The following NUP160 variants were observed in gnomAD, a reference collection of about 807,000 sequenced individuals.
NUP160 encodes the protein nuclear pore complex protein Nup160.
A neutral mutation model predicts 196.9 loss-of-function variants in NUP160; 94 were observed. The observed-to-expected ratio is 0.48, with a 90% CI of 0.40 to 0.57. The LOEUF (loss-of-function observed/expected upper bound fraction) is 0.57, where lower values mean the gene tolerates loss of function less well. Among genes scored for constraint, NUP160 ranks in the 20% least tolerant of loss-of-function variants. The pLI, the probability that NUP160 is intolerant of heterozygous loss-of-function variation, is 0.00. For synonymous variants in NUP160, 605 were observed against 619.7 expected, an observed-to-expected ratio of 0.98 and a Z score of 0.35; for missense variants, 1,638 against 1,748.3, an observed-to-expected ratio of 0.94 and a Z score of 1.13.
intron 2 of NUP160, among the ~76,000 whole-genome samples, chr11:47,844,455 C>A (rs1029370505): frequency 6.6e-6 from 1 of 152,208 alleles, no homozygotes; most frequent in Non-Finnish European, 1.5e-5. Flanking sequence ...TTTGTTCACT[C>A]AGCTGCAGAC....
intron 2 of NUP160, among the ~76,000 whole-genome samples, chr11:47,846,922 T>C (rs7942031): frequency 0.3 from 45,872 of 151,944 alleles, 8,322 homozygotes; most frequent in African/African-American, 0.5. Context: ...CTCCCTCCTT[T>C]TGGAATCCCT....
At chr11:47,847,652 G>GGGGGGGGA (rs1852425544) in intron 2 of NUP160, among the ~76,000 whole-genome samples, 196 bp downstream of exon 2, 8 of 127,244 alleles carry the variant, frequency 6.3e-5, no homozygotes, top group Admixed American at 5.0e-4. Context: ...TGGGGGTGGG[G>GGGGGGGGA]GGGGGGAGGG....
intron 17 of NUP160, among the ~76,000 whole-genome samples, chr11:47,809,519 C>G (rs1178443502): frequency 6.6e-6 from 1 of 151,906 alleles, no homozygotes; most frequent in African/African-American, 2.4e-5. Flanking sequence ...GAGGCTGAGG[C>G]AGGCAGATCA....
chr11:47,841,631 T>C, intron 2 of NUP160: 2 of 415,016 alleles, frequency 4.8e-6, no homozygotes, highest in Middle Eastern at 3.7e-4. Context: ...TCCTGGAACG[T>C]GCTCTAGTTC....
At chr11:47,831,937 C>T (rs1253548812) in intron 7 of NUP160, among the ~76,000 whole-genome samples, 1 of 119,044 alleles carries the variant, frequency 8.4e-6, no homozygotes, top group Non-Finnish European at 1.6e-5. Flanking sequence ...GAATCTCGGT[C>T]TGTCACCAGG....
intron 7 of NUP160, among the ~76,000 whole-genome samples, chr11:47,830,702 A>G (rs1275890768): frequency 1.3e-5 from 2 of 152,142 alleles, no homozygotes; most frequent in East Asian, 1.9e-4. Context: ...ATTAGGGTCT[A>G]CTTGAGGGTG....
exon 33 of NUP160, chr11:47,784,935 A>G (rs1426366963): frequency 1.3e-6 from 2 of 1,596,106 alleles, no homozygotes; most frequent in Admixed American, 3.5e-5. Context: ...GTAACTGTTT[A>G]TAAGCCAATT....
exon 1 of NUP160, chr11:47,848,315 C>T (rs1432565883): frequency 6.2e-7 from 1 of 1,614,008 alleles, no homozygotes; most frequent in East Asian, 2.2e-5. Context: ...CCCGCCGCCG[C>T]CATCTTCCCG....
Position 47,839,825 on chromosome 11 carries a change from C to T in NUP160, c.748+18G>A, listed in dbSNP as rs1399788358. The T allele has an allele frequency of 3.2e-6, 5 of 1,582,238 alleles. No homozygotes were observed. The African/African-American group carries it at 6.7e-5, about 21-fold the overall frequency. On this transcript the variant is annotated intron_variant, in intron 4 of 35. Coordinates refer to ENST00000378460, the Ensembl canonical transcript of NUP160. ...TTCCTTGTTTAAAGTTAAATCCATG[C>T]TCAGTTCCCATTCTTACCAGGTATG...
chr11:47,835,706 G>C (rs781782621), exon 7 of NUP160: 1 of 1,600,838 alleles, frequency 6.2e-7, no homozygotes, highest in Non-Finnish European at 8.5e-7. Context: ...CATGGTGGGG[G>C]AATAAGCAAG....
chr11:47,808,168 C>T (rs932623101), intron 18 of NUP160, among the ~76,000 whole-genome samples: 6 of 152,266 alleles, frequency 3.9e-5, no homozygotes, highest in Admixed American at 3.3e-4. Context: ...GAAATCTCAG[C>T]TACTTGGGAG....
At position 47,800,252 on chromosome 11, in the gene NUP160, G is replaced by GA. The variant is rs1231813653; in HGVS notation, c.2895+1558dup. Among the ~76,000 whole-genome samples the GA allele has an allele frequency of 4.6e-3, 642 of 140,484 alleles. 2 individuals are homozygous for GA. Among genetic ancestry groups the GA allele is most frequent in the South Asian group, 5.7e-3 (25 of 4,404 alleles). 92.2% of individuals were successfully genotyped at this position (140,484 alleles called of 152,430 possible). A position where few individuals can be genotyped will look rare whatever the true frequency, so the allele number is the denominator to read the frequency against. On this transcript the variant is annotated intron_variant, in intron 23 of 35. Transcript: ENST00000378460. ...ACAGACTCCGTCTCAAAAAAAAAAG[G>GA]AAAAAAAAAAAAGTATAGTATATAC...
At chr11:47,798,593 TC>T (rs2097672272) in intron 23 of NUP160, 130 bp from the exon 24 acceptor site, 2 of 608,050 alleles carry the variant, frequency 3.3e-6, no homozygotes, top group Non-Finnish European at 5.9e-6. Flanking sequence ...ATCCCAGTAC[TC>T]TGGGAGGCTG....
chr11:47,848,318 T>TCTTCCCGCCGTCGCCGC lies in NUP160; in HGVS notation c.86_102dup (p.Met35AlafsTer20), dbSNP rs755721902. Reference sequence around the variant, plus strand: ...CGTTCCAGGGCTCCCGCCGCCGCCATCTTCCCGCCGTCGCCGCGACGCCCA... The same window carrying TCTTCCCGCCGTCGCCGC: ...CGTTCCAGGGCTCCCGCCGCCGCCATCTTCCCGCCGTCGCCGCCTTCCCGCCGTCGCCGCGACGCCCA... On this transcript the variant is annotated frameshift_variant, in exon 1 of 36. Transcript: ENST00000378460. LOFTEE classifies it high-confidence loss of function. The TCTTCCCGCCGTCGCCGC allele has an allele frequency of 1.1e-4, 180 of 1,613,784 alleles. No individual in the cohort carries two copies. The highest frequency in any genetic ancestry group is 4.9e-4 in the Middle Eastern group (3 of 6,082).
In NUP160 at chr11:47,797,862, C is replaced by A. The variant is rs748714186; in HGVS notation, c.3206G>T (p.Arg1069Leu). 9 of 1,611,988 alleles carry A rather than the reference C, an allele frequency of 5.6e-6. No individual in the cohort carries two copies. In the South Asian group the frequency reaches 9.9e-5, roughly 18 times the overall value. Residue 1069 changes from arginine to leucine, a missense_variant, in exon 27 of 36, where the codon CGT becomes CTT. Arg to Leu is a moderately radical substitution (Grantham distance 102). This residue lies in a region of NUP160 where 1,345 missense variants were observed against 1,470.2 expected (regional missense o/e 0.91). Coordinates refer to ENST00000378460, the Ensembl canonical transcript of NUP160. ...AGTCATAAGGTCCACAGCTCTAGCA[C>A]GTGACTCAATTATTCCCACAACCTA...
intron 11 of NUP160, among the ~76,000 whole-genome samples, chr11:47,816,976 G>T (rs1337390675): frequency 1.5e-5 from 2 of 136,574 alleles, no homozygotes; most frequent in Non-Finnish European, 3.1e-5. Context: ...AATCCTTTCA[G>T]TTTTTTTTTT....
At chr11:47,803,458 C>A in exon 22 of NUP160, 3 of 1,606,446 alleles carry the variant, frequency 1.9e-6, no homozygotes, top group Non-Finnish European at 1.7e-6. Context: ...TCTCCTGTAA[C>A]TAGGTAACAC....
At chr11:47,813,516 A>G in intron 13 of NUP160, 101 bp from the exon 14 acceptor site, 2 of 701,646 alleles carry the variant, frequency 2.9e-6, no homozygotes, top group Non-Finnish European at 5.1e-6. Context: ...CCAAGTTGCA[A>G]TACACTCTAT....
At chr11:47,822,248 C>A (rs1317834172) in intron 7 of NUP160, 84 bp from the exon 8 acceptor site, 2 of 978,060 alleles carry the variant, frequency 2.0e-6, no homozygotes, top group East Asian at 2.6e-5. Flanking sequence ...CATTCAGAAA[C>A]CTTTAAAAAA....
Sources: allele counts gnomAD v4.1 joint callset (sites outside exome capture counted in the v4.1 genomes callset), GRCh38; gene constraint gnomAD v4.1.1; regional missense constraint gnomAD v4.1.1; transcripts MANE v1.5; gene names NCBI Gene and HGNC (gene_info 2026-07-23, HGNC 2026-07-21).